The following ANKRD42 variants were observed in gnomAD, a reference collection of about 807,000 sequenced individuals.
ANKRD42 encodes the protein ankyrin repeat domain-containing protein 42.
In ANKRD42, 43 loss-of-function variants were observed where a neutral mutation model predicts 51.5. The ratio of observed to expected loss-of-function variants is 0.83; its 90% CI spans 0.65 to 1.08. The LOEUF (loss-of-function observed/expected upper bound fraction) is 1.08, where lower values mean the gene tolerates loss of function less well. ANKRD42 is among the 50% of genes least tolerant of loss of function. ANKRD42 has a pLI of 0.00. For missense variants in ANKRD42, 608 were observed against 629.3 expected (o/e 0.97, Z 0.36); for synonymous variants, 203 against 213.0 (o/e 0.95, Z 0.41).
intron 7 of ANKRD42, among the ~76,000 whole-genome samples, chr11:83,228,509 G>A (rs1315684114): frequency 6.6e-5 from 10 of 152,022 alleles, no homozygotes; most frequent in Non-Finnish European, 1.3e-4. Context: ...GATTACAGGC[G>A]TGAGCCACCA....
chr11:83,242,916 A>G (rs1316091572), intron 9 of ANKRD42, among the ~76,000 whole-genome samples: 1 of 152,066 alleles, frequency 6.6e-6, no homozygotes, highest in African/African-American at 2.4e-5. Flanking sequence ...GGTTGATTCC[A>G]TGTTTTTGCT....
At chr11:83,242,365 C>T (rs142336914) in intron 9 of ANKRD42, among the ~76,000 whole-genome samples, 1,857 of 151,966 alleles carry the variant, frequency 0.012, 37 homozygotes, top group African/African-American at 0.042. Flanking sequence ...AGGGGGCTAT[C>T]GCTATAGTTC....
chr11:83,219,347 C>A (rs1032261250), intron 5 of ANKRD42, among the ~76,000 whole-genome samples: 6 of 152,246 alleles, frequency 3.9e-5, no homozygotes, highest in Non-Finnish European at 7.3e-5. Flanking sequence ...GCCAATGCGT[C>A]TTACCTATTC....
chr11:83,228,706 G>C (rs772346853), intron 7 of ANKRD42, among the ~76,000 whole-genome samples: 1 of 152,068 alleles, frequency 6.6e-6, no homozygotes, highest in Non-Finnish European at 1.5e-5. Context: ...GTATCTCAAA[G>C]TACAGAATCT....
At chr11:83,231,672 T>G (rs539661933) in intron 7 of ANKRD42, among the ~76,000 whole-genome samples, 1 of 152,362 alleles carries the variant, frequency 6.6e-6, no homozygotes, top group Non-Finnish European at 1.5e-5. Flanking sequence ...CTTTTAGTAG[T>G]TTCATAGTTT....
At chr11:83,258,275 C>A (rs1456863507), downstream of ANKRD42, among the ~76,000 whole-genome samples, 1 of 152,088 alleles carries the variant, frequency 6.6e-6, no homozygotes, top group Non-Finnish European at 1.5e-5. Context: ...AATTATAATA[C>A]AATTCCCAAA....
rs574824537 is a variant in ANKRD42, at chr11:83,236,978, G to A, written c.1019+469G>A. Among the ~76,000 whole-genome samples, 27 of 152,222 alleles carry A rather than the reference G, an allele frequency of 1.8e-4. No individual in the cohort carries two copies. In the South Asian group the frequency reaches 5.6e-3, roughly 32 times the overall value. On this transcript the variant is annotated intron_variant, in intron 8 of 10. Transcript: ENST00000533342. ...GAAACATATTTTGCAATTTACATCCGAATTAAATATAGCATGTATTTTTAA... is the reference window on the plus strand; with the variant it reads ...GAAACATATTTTGCAATTTACATCCAAATTAAATATAGCATGTATTTTTAA...
In ANKRD42 at chr11:83,193,738, T is replaced by C. The variant is rs542384835; in HGVS notation, c.-933T>C. 79 of 418,280 alleles carry C rather than the reference T, an allele frequency of 1.9e-4. No homozygotes were observed. The highest frequency in any genetic ancestry group is 1.6e-3 in the African/African-American group (76 of 47,952). The allele number at this position is 418,280 out of a possible 1,614,324, so 25.9% of individuals were successfully genotyped here. On this transcript the variant is annotated 5_prime_UTR_variant, in exon 1 of 11. Transcript: ENST00000533342. ...CTCGTTTCCAAGGCGACGGCCCTGCTGCCTCTCCAGCCAAGTGGCTGGAGT... is the reference window on the plus strand; with the variant it reads ...CTCGTTTCCAAGGCGACGGCCCTGCCGCCTCTCCAGCCAAGTGGCTGGAGT...
At chr11:83,203,135 G>C (rs1431784569) in intron 2 of ANKRD42, among the ~76,000 whole-genome samples, 1 of 151,562 alleles carries the variant, frequency 6.6e-6, no homozygotes, top group East Asian at 1.9e-4. Flanking sequence ...GGGACTACAG[G>C]TGCATGTGCC....
At chr11:83,209,692 AAC>A (rs1471779864) in intron 3 of ANKRD42, 1 of 728,916 alleles carries the variant, frequency 1.4e-6, no homozygotes, top group African/African-American at 1.7e-5. Context: ...CTTACTTCCT[AAC>A]ATCTTTCTGA....
rs1863594008 is a variant in ANKRD42, at chr11:83,248,003, A to G, written c.1383A>G (p.Glu461=). ...AACGACTACGTAGAGAAAAATTAGA[A>G]TGTCAGCTTGATGAATATCGAGCAG... The part of the protein sequence containing the change: ...EYERLRREKL[E]CQLDEYRAEV... Residue 461 remains glutamate, a synonymous_variant, in exon 11 of 11, where the codon GAA becomes GAG. Coordinates refer to ENST00000533342, the MANE Select transcript of ANKRD42 (RefSeq NM_001300975.2). 1.2e-6 allele frequency: 2 copies of G among 1,613,464 alleles called. No individual in the cohort carries two copies. Among genetic ancestry groups the G allele is most frequent in the African/African-American group, 2.7e-5 (2 of 74,910 alleles).
chr11:83,204,267 G>A (rs1458245601), intron 2 of ANKRD42, among the ~76,000 whole-genome samples: 1 of 152,160 alleles, frequency 6.6e-6, no homozygotes, highest in Non-Finnish European at 1.5e-5. Context: ...TAACAAAGAT[G>A]CAAATGTAAT....
At chr11:83,254,490 G>A (rs1565200804) in intron 11 of ANKRD42, among the ~76,000 whole-genome samples, 1 of 145,568 alleles carries the variant, frequency 6.9e-6, no homozygotes, top group Non-Finnish European at 1.5e-5. Flanking sequence ...GGAGTGCAGT[G>A]GCGCAGTCTT....
downstream of ANKRD42, chr11:83,259,223 A>G (rs1863830137): frequency 6.6e-6 from 1 of 152,184 alleles, no homozygotes; most frequent in Non-Finnish European, 1.5e-5. Flanking sequence ...GTGAAGTGCA[A>G]GTGCTGGAAT....
At chr11:83,240,374 ATAATC>A (rs2135549700) in intron 8 of ANKRD42, among the ~76,000 whole-genome samples, 1 of 152,372 alleles carries the variant, frequency 6.6e-6, no homozygotes, top group Non-Finnish European at 1.5e-5. Flanking sequence ...AATGAATTCT[ATAATC>A]TAAATTAGGC....
At chr11:83,246,696 C>A (rs1401503254) in intron 10 of ANKRD42, among the ~76,000 whole-genome samples, 1 of 152,178 alleles carries the variant, frequency 6.6e-6, no homozygotes, top group Non-Finnish European at 1.5e-5. Flanking sequence ...TTAGAACTGC[C>A]TGTTTCCCTT....
At chr11:83,210,608 C>T (rs147472813) in intron 4 of ANKRD42, among the ~76,000 whole-genome samples, 189 bp downstream of exon 4, 232 of 152,302 alleles carry the variant, frequency 1.5e-3, no homozygotes, top group African/African-American at 5.1e-3. Flanking sequence ...TCTCTTCCCC[C>T]CCAAAAACCA....
intron 7 of ANKRD42, among the ~76,000 whole-genome samples, chr11:83,235,723 A>T (rs931183284): frequency 2.0e-5 from 3 of 152,228 alleles, no homozygotes; most frequent in African/African-American, 7.2e-5. Context: ...GATGAAGAAG[A>T]ATAGTTACAG....
At chr11:83,196,570 C>G (rs1240061830) in intron 1 of ANKRD42, among the ~76,000 whole-genome samples, 1 of 152,206 alleles carries the variant, frequency 6.6e-6, no homozygotes, top group African/African-American at 2.4e-5. Context: ...TTCCCCTTCC[C>G]TCCTACCCTG....
Sources: allele counts gnomAD v4.1 joint callset (sites outside exome capture counted in the v4.1 genomes callset), GRCh38; gene constraint gnomAD v4.1.1; transcripts MANE v1.5; gene names NCBI Gene and HGNC (gene_info 2026-07-23, HGNC 2026-07-21).